Variants in DDR2 observed in about 807,000 individuals in gnomAD.
The protein encoded by DDR2 is discoidin domain-containing receptor 2.
Under a neutral mutation model 94.9 loss-of-function variants are expected in DDR2, and 27 were observed. The ratio of observed to expected loss-of-function variants is 0.28; its 90% CI spans 0.21 to 0.39. DDR2 has a LOEUF of 0.39. Ranked by LOEUF, DDR2 falls within the 10% of genes least tolerant of loss-of-function variation. DDR2 has a pLI of 1.00. For missense variants in DDR2, 783 were observed against 1,076.0 expected (o/e 0.73, Z 3.81); for synonymous variants, 382 against 377.2 (o/e 1.01, Z -0.15).
At chr1:162,701,329 G>T (rs917636973) in intron 2 of DDR2, among the ~76,000 whole-genome samples, 1 of 152,224 alleles carries the variant, frequency 6.6e-6, no homozygotes, top group Non-Finnish European at 1.5e-5. Context: ...GGGCCAGATG[G>T]CATTTGCAGT....
chr1:162,643,916 T>C (rs1164050769), intron 1 of DDR2, among the ~76,000 whole-genome samples: 1 of 152,156 alleles, frequency 6.6e-6, no homozygotes, highest in Non-Finnish European at 1.5e-5. Flanking sequence ...GGTAGTTAAA[T>C]TGGAAAAAGA....
chr1:162,690,921 G>A (rs1168543167), intron 2 of DDR2, among the ~76,000 whole-genome samples: 3 of 152,186 alleles, frequency 2.0e-5, no homozygotes, highest in Non-Finnish European at 2.9e-5. Context: ...CTGGAGTTGT[G>A]TCTATTTAAT....
intron 2 of DDR2, among the ~76,000 whole-genome samples, chr1:162,710,508 G>C (rs1176029552): frequency 6.6e-6 from 1 of 152,174 alleles, no homozygotes; most frequent in Non-Finnish European, 1.5e-5. Flanking sequence ...TTCTGTGTAT[G>C]TGTTTGAGGG....
At chr1:162,658,016 G>C (rs1220590750) in intron 2 of DDR2, among the ~76,000 whole-genome samples, 3 of 151,704 alleles carry the variant, frequency 2.0e-5, no homozygotes, top group Non-Finnish European at 4.4e-5. Context: ...TTCTAAAATG[G>C]CTCTTCCAAA....
intron 3 of DDR2, among the ~76,000 whole-genome samples, chr1:162,728,729 G>A (rs1305730704): frequency 3.9e-5 from 6 of 152,072 alleles, no homozygotes; most frequent in African/African-American, 1.2e-4. Flanking sequence ...CCCCAACTTG[G>A]TGATTCTTGA....
At chr1:162,650,868 G>A (rs1657655427) in intron 1 of DDR2, among the ~76,000 whole-genome samples, 1 of 151,968 alleles carries the variant, frequency 6.6e-6, no homozygotes, top group Non-Finnish European at 1.5e-5. Flanking sequence ...TGAGATTACA[G>A]TGGATGTGTG....
chr1:162,758,170 A>G (rs1292109605), intron 7 of DDR2, among the ~76,000 whole-genome samples: 1 of 152,100 alleles, frequency 6.6e-6, no homozygotes, highest in Non-Finnish European at 1.5e-5. Flanking sequence ...ACTCCAGGGG[A>G]AAGATAAAAA....
intron 2 of DDR2, among the ~76,000 whole-genome samples, chr1:162,708,668 C>G (rs1338698641): frequency 6.6e-6 from 1 of 152,244 alleles, no homozygotes; most frequent in African/African-American, 2.4e-5. Flanking sequence ...TCTTTCATGA[C>G]TGCTGAAGCC....
intron 3 of DDR2, among the ~76,000 whole-genome samples, chr1:162,729,684 A>G (rs1003399509): frequency 2.0e-5 from 3 of 151,172 alleles, no homozygotes; most frequent in African/African-American, 4.8e-5. Context: ...AGGGAGGGGG[A>G]AAAAGGAAGT....
chr1:162,684,511 G>T (rs2101963579), intron 2 of DDR2, among the ~76,000 whole-genome samples: 1 of 152,194 alleles, frequency 6.6e-6, no homozygotes, highest in Middle Eastern at 3.4e-3. Flanking sequence ...TAAGGAGCAT[G>T]AAGAATGGGA....
intron 2 of DDR2, among the ~76,000 whole-genome samples, chr1:162,702,695 G>A (rs534672705): frequency 5.3e-5 from 8 of 152,132 alleles, no homozygotes; most frequent in Admixed American, 3.3e-4. Context: ...GGTACTGCTC[G>A]TTGTCCAGAA....
chr1:162,757,492 T>C (rs1663517468), intron 7 of DDR2, among the ~76,000 whole-genome samples: 1 of 152,142 alleles, frequency 6.6e-6, no homozygotes, highest in Admixed American at 6.6e-5. Context: ...TGTGGCAAAG[T>C]AGTGCAGGAG....
chr1:162,780,389 AC>A lies in DDR2; in HGVS notation c.*148del. On this transcript the variant is annotated 3_prime_UTR_variant, in exon 18 of 18. Transcript: ENST00000367921. Reference sequence around the variant, plus strand: ...TTTGCTTTGCCCTCTTTTCCTGGTCACCCCCACTCCCTACCCCTGACTCATA... The same window carrying A: ...TTTGCTTTGCCCTCTTTTCCTGGTCACCCCACTCCCTACCCCTGACTCATA... The A allele has an allele frequency of 8.1e-7, 1 of 1,234,408 alleles. No homozygotes were observed. Among genetic ancestry groups the A allele is most frequent in the Non-Finnish European group, 1.1e-6 (1 of 878,858 alleles). The allele number at this position is 1,234,408 out of a possible 1,614,324, so 76.5% of individuals were successfully genotyped here. A position where few individuals can be genotyped will look rare whatever the true frequency, so the allele number is the denominator to read the frequency against.
rs79162844 is a variant in DDR2 at position 162,646,709 on chromosome 1, C to G, written c.-191-8502C>G. Among the ~76,000 whole-genome samples the G allele has an allele frequency of 6.4e-3, 971 of 152,280 alleles. 11 individuals are homozygous for G. The highest frequency in any genetic ancestry group is 0.022 in the African/African-American group (928 of 41,552). ...TACATTCCTGTCTTTTCCATTGGGC[C>G]AGTGGGTCTCAATCTTTAATATGCA... On this transcript the variant is annotated intron_variant, in intron 1 of 17. Coordinates refer to ENST00000367921, the MANE Select transcript of DDR2 (RefSeq NM_006182.4).
chr1:162,746,931 GT>G, intron 3 of DDR2, among the ~76,000 whole-genome samples: 1 of 152,310 alleles, frequency 6.6e-6, no homozygotes, highest in East Asian at 1.9e-4. Context: ...GGTCCTGACT[GT>G]TAGAAGGAAA....
At position 162,708,873 on chromosome 1, in the gene DDR2, G is replaced by A. The variant is rs1414114108; in HGVS notation, c.-27-10164G>A. Reference sequence around the variant, plus strand: ...GGTGTTAATGGATACAGAAATAAGAGTATGGCTAGGGGTGGCATGCTTTTT... The same window carrying A: ...GGTGTTAATGGATACAGAAATAAGAATATGGCTAGGGGTGGCATGCTTTTT... On this transcript the variant is annotated intron_variant, in intron 2 of 17. Coordinates refer to ENST00000367921, the MANE Select transcript of DDR2 (RefSeq NM_006182.4). Among the ~76,000 whole-genome samples the A allele has an allele frequency of 2.6e-5, 4 of 152,322 alleles. No homozygotes were observed. The East Asian group carries it at 7.7e-4, about 29-fold the overall frequency.
Position 162,786,474 on chromosome 1 carries a change from A to G in DDR2, c.*6228A>G, listed in dbSNP as rs2102221849. 1 of 152,366 alleles carries G rather than the reference A, an allele frequency of 6.6e-6. No individual in the cohort carries two copies. The highest frequency in any genetic ancestry group is 3.4e-3 in the Middle Eastern group (1 of 294). 9.4% of individuals were successfully genotyped at this position (152,366 alleles called of 1,614,324 possible). On this transcript the variant is annotated 3_prime_UTR_variant, in exon 18 of 18. Coordinates refer to ENST00000367921, the MANE Select transcript of DDR2 (RefSeq NM_006182.4). ...AAATTTCTCTGTATTAGAAAAAGAA[A>G]CGTGATACCAATTGTATATTTTCTT...
intron 3 of DDR2, 111 bp from the exon 4 acceptor site, chr1:162,752,984 A>G: frequency 1.1e-6 from 1 of 918,636 alleles, no homozygotes; most frequent in Non-Finnish European, 1.7e-6. Flanking sequence ...ATTTAGGAAG[A>G]TGTAAATTCT....
At chr1:162,773,740 A>G in intron 14 of DDR2, 144 bp downstream of exon 14, 1 of 1,137,054 alleles carries the variant, frequency 8.8e-7, no homozygotes, top group Non-Finnish European at 1.3e-6. Flanking sequence ...CCTTTTTCTT[A>G]TTCCGATGGG....
Sources: allele counts gnomAD v4.1 joint callset (sites outside exome capture counted in the v4.1 genomes callset), GRCh38; gene constraint gnomAD v4.1.1; transcripts MANE v1.5; gene names NCBI Gene and HGNC (gene_info 2026-07-23, HGNC 2026-07-21).